Variants in ADAMTS12 observed in about 807,000 individuals in gnomAD.
ADAMTS12 encodes the protein A disintegrin and metalloproteinase with thrombospondin motifs 12.
A neutral mutation model predicts 167.8 loss-of-function variants in ADAMTS12; 118 were observed. The ratio of observed to expected loss-of-function variants is 0.70; its 90% confidence interval spans 0.61 to 0.82. The LOEUF is 0.82. ADAMTS12 is among the 40% of genes least tolerant of loss of function. ADAMTS12 has a pLI of 0.00. For synonymous variants in ADAMTS12, 704 were observed against 716.9 expected, an observed-to-expected ratio of 0.98 and a Z score of 0.29; for missense variants, 1,916 against 1,998.8, an observed-to-expected ratio of 0.96 and a Z score of 0.79.
In ADAMTS12 at chr5:33,888,884, T is replaced by C. The variant is rs568196807; in HGVS notation, c.127+2846A>G. 1.2e-4 allele frequency among the ~76,000 whole-genome samples: 19 copies of C among 152,340 alleles called. No individual in the cohort carries two copies. The South Asian group carries it at 3.9e-3, about 32-fold the overall frequency. ...CAACTGAGCAATGTGGAAAGAATAC[T>C]GGGCAGTTAGTCAAATAGCCTGTTT... On this transcript the variant is annotated intron_variant, in intron 1 of 23. Coordinates refer to ENST00000504830, the MANE Select transcript of ADAMTS12 (RefSeq NM_030955.4).
At chr5:33,711,661 T>G (rs11739711) in intron 3 of ADAMTS12, among the ~76,000 whole-genome samples, 92,801 of 151,904 alleles carry the variant, frequency 0.61, 29,531 homozygotes, top group Non-Finnish European at 0.69. Context: ...TGTTAATAAA[T>G]GAGTATGATC....
intron 1 of ADAMTS12, among the ~76,000 whole-genome samples, chr5:33,889,113 T>G: frequency 6.6e-6 from 1 of 152,098 alleles, no homozygotes; most frequent in East Asian, 1.9e-4. Flanking sequence ...TCATATATGT[T>G]GACTAACTGA....
chr5:33,759,754 T>C (rs1167623023), intron 2 of ADAMTS12, among the ~76,000 whole-genome samples: 1 of 152,228 alleles, frequency 6.6e-6, no homozygotes, highest in African/African-American at 2.4e-5. Context: ...TGTTTCTCAC[T>C]TGATAGCACT....
intron 13 of ADAMTS12, among the ~76,000 whole-genome samples, chr5:33,625,102 T>C (rs1739520503): frequency 1.3e-5 from 2 of 152,158 alleles, no homozygotes; most frequent in Non-Finnish European, 2.9e-5. Flanking sequence ...CACCTCAGCC[T>C]TCTGAGTAGC....
At chr5:33,857,235 G>A (rs1018268063) in intron 2 of ADAMTS12, among the ~76,000 whole-genome samples, 1 of 152,196 alleles carries the variant, frequency 6.6e-6, no homozygotes. Context: ...GCAGAGAGTA[G>A]AATGGTGGTT....
chr5:33,651,983 T>C (rs1023811594), intron 7 of ADAMTS12, among the ~76,000 whole-genome samples: 7 of 152,150 alleles, frequency 4.6e-5, no homozygotes, highest in Non-Finnish European at 1.0e-4. Flanking sequence ...TTCTTTTTTA[T>C]GGCAGTGTAG....
At chr5:33,777,495 A>T (rs1321694498) in intron 2 of ADAMTS12, among the ~76,000 whole-genome samples, 1 of 152,092 alleles carries the variant, frequency 6.6e-6, no homozygotes, top group Non-Finnish European at 1.5e-5. Flanking sequence ...CATGACAAAA[A>T]CTCTCAATAA....
intron 3 of ADAMTS12, among the ~76,000 whole-genome samples, chr5:33,747,571 C>G (rs929791424): frequency 2.6e-5 from 4 of 152,066 alleles, no homozygotes; most frequent in African/African-American, 9.7e-5. Flanking sequence ...TATCTATGAA[C>G]CTGTGTACTA....
At chr5:33,824,312 A>G (rs558840784) in intron 2 of ADAMTS12, among the ~76,000 whole-genome samples, 1 of 152,244 alleles carries the variant, frequency 6.6e-6, no homozygotes, top group East Asian at 1.9e-4. Context: ...GGGAACAGAA[A>G]GGGGGGACTT....
At chr5:33,677,552 C>T (rs939248827) in intron 5 of ADAMTS12, among the ~76,000 whole-genome samples, 1 of 152,112 alleles carries the variant, frequency 6.6e-6, no homozygotes, top group Non-Finnish European at 1.5e-5. Flanking sequence ...GCAGGGGGCC[C>T]ACCAAACAAA....
At chr5:33,741,433 C>A (rs964737484) in intron 3 of ADAMTS12, among the ~76,000 whole-genome samples, 1 of 152,086 alleles carries the variant, frequency 6.6e-6, no homozygotes, top group African/African-American at 2.4e-5. Flanking sequence ...AGTCAAAGCC[C>A]ACTATAATGA....
chr5:33,819,263 G>A (rs1191076091), intron 2 of ADAMTS12, among the ~76,000 whole-genome samples: 1 of 152,044 alleles, frequency 6.6e-6, no homozygotes, highest in African/African-American at 2.4e-5. Context: ...TTTTTTGTAT[G>A]ATGTAAAATC....
chr5:33,734,219 C>G (rs1744289323), intron 3 of ADAMTS12, among the ~76,000 whole-genome samples: 1 of 152,190 alleles, frequency 6.6e-6, no homozygotes, highest in Non-Finnish European at 1.5e-5. Context: ...CTGTTCGCAG[C>G]TAGAGACCAA....
chr5:33,861,231 A>G (rs1291964730), intron 2 of ADAMTS12, among the ~76,000 whole-genome samples: 1 of 152,218 alleles, frequency 6.6e-6, no homozygotes, highest in Non-Finnish European at 1.5e-5. Context: ...AAATACACAG[A>G]CTGGCAAATT....
chr5:33,785,400 T>C (rs1358871868), intron 2 of ADAMTS12, among the ~76,000 whole-genome samples: 2 of 151,912 alleles, frequency 1.3e-5, no homozygotes, highest in Non-Finnish European at 2.9e-5. Context: ...CAGGGAAAAA[T>C]ATTTGCAAAC....
At chr5:33,741,258 T>C (rs1744566791) in intron 3 of ADAMTS12, among the ~76,000 whole-genome samples, 1 of 152,170 alleles carries the variant, frequency 6.6e-6, no homozygotes, top group Admixed American at 6.5e-5. Context: ...AAACAGATTT[T>C]CCCACAGTTC....
intron 19 of ADAMTS12, among the ~76,000 whole-genome samples, chr5:33,570,702 A>C (rs1282869560): frequency 4.6e-5 from 7 of 152,106 alleles, no homozygotes; most frequent in South Asian, 2.1e-4. Flanking sequence ...CAAGCAAAAT[A>C]ACCAGCTAAC....
intron 5 of ADAMTS12, among the ~76,000 whole-genome samples, chr5:33,673,885 CT>C (rs67276881): frequency 0.96 from 145,409 of 152,170 alleles, 69,824 homozygotes; most frequent in Non-Finnish European, 1. Flanking sequence ...CATTCAACCT[CT>C]ATTCATTCTT....
intron 7 of ADAMTS12, among the ~76,000 whole-genome samples, chr5:33,654,571 C>T (rs1424222975): frequency 1.3e-5 from 2 of 152,262 alleles, no homozygotes; most frequent in East Asian, 3.9e-4. Flanking sequence ...TCTGTCCTGA[C>T]ACCACAGGGG....
Sources: gnomAD v4.1 joint callset for allele counts (sites outside exome capture counted in the v4.1 genomes callset) on GRCh38, gnomAD v4.1.1 for gene constraint, MANE v1.5 for transcripts, NCBI Gene and HGNC (gene_info 2026-07-23, HGNC 2026-07-21) for gene names.